The following LINGO2 variants were observed in gnomAD, a reference collection of about 807,000 sequenced individuals.
LINGO2 encodes the protein leucine rich repeat and Ig domain containing 2, also known as leucine-rich repeat and immunoglobulin-like domain-containing nogo receptor-interacting protein 2.
In LINGO2, 14 loss-of-function variants were observed where a neutral mutation model predicts 30.6. That is an observed-to-expected ratio of 0.46 (90% CI 0.30 to 0.72). The LOEUF is 0.72. LINGO2 is among the 30% of genes least tolerant of loss of function. The pLI, the probability that LINGO2 is intolerant of heterozygous loss-of-function variation, is 0.07. For synonymous variants in LINGO2, 317 were observed against 288.5 expected (o/e 1.10, Z -1.00); for missense variants, 729 against 751.7 (o/e 0.97, Z 0.35).
At chr9:28,794,252 C>T in the LINGO2 span, among the ~76,000 whole-genome samples, 5 of 152,094 alleles carry the variant, frequency 3.3e-5, no homozygotes, top group Non-Finnish European at 7.4e-5. Flanking sequence ...TGCAGTGAGC[C>T]GAGATCGCGC....
chr9:28,470,671 C>T (rs1026037639), intron 2 of LINGO2, among the ~76,000 whole-genome samples: 1 of 151,986 alleles, frequency 6.6e-6, no homozygotes, highest in African/African-American at 2.4e-5. Flanking sequence ...CTAATCATCG[C>T]CATTCAGCTG....
intron 4 of LINGO2, among the ~76,000 whole-genome samples, chr9:28,102,588 G>A (rs774622809): frequency 1.8e-4 from 26 of 147,534 alleles, no homozygotes; most frequent in Non-Finnish European, 3.7e-4. Context: ...AGCTGGGAAG[G>A]GAAAGGGGTT....
chr9:27,956,181 G>A (rs1265312519), intron 5 of LINGO2, among the ~76,000 whole-genome samples: 1 of 152,144 alleles, frequency 6.6e-6, no homozygotes, highest in Non-Finnish European at 1.5e-5. Flanking sequence ...GACCTCAGGT[G>A]ATCTGCCCGC....
the LINGO2 span, among the ~76,000 whole-genome samples, chr9:28,717,946 C>T: frequency 3.3e-5 from 5 of 151,876 alleles, no homozygotes; most frequent in Non-Finnish European, 7.4e-5. Flanking sequence ...TACTGAATAT[C>T]CAGATTTGAA....
chr9:28,596,801 C>A (rs913483266), intron 1 of LINGO2, among the ~76,000 whole-genome samples: 24 of 151,972 alleles, frequency 1.6e-4, no homozygotes, highest in Non-Finnish European at 2.8e-4. Flanking sequence ...TTCAAATGAC[C>A]CATTAATTAC....
intron 5 of LINGO2, among the ~76,000 whole-genome samples, chr9:28,003,528 G>A (rs574936505): frequency 1.4e-4 from 22 of 152,090 alleles, no homozygotes; most frequent in African/African-American, 5.1e-4. Context: ...GCACAATCTC[G>A]GCTCACTGCA....
the LINGO2 span, among the ~76,000 whole-genome samples, chr9:28,769,874 C>T: frequency 2.6e-5 from 4 of 151,636 alleles, no homozygotes; most frequent in Non-Finnish European, 4.4e-5. Context: ...ACAGGCTGTG[C>T]TCTTACTACT....
chr9:29,122,613 T>A, the LINGO2 span, among the ~76,000 whole-genome samples: 1 of 152,146 alleles, frequency 6.6e-6, no homozygotes, highest in Admixed American at 6.6e-5. Flanking sequence ...TATTTAGTGT[T>A]CTTGAAGATT....
At chr9:28,256,060 T>C (rs1822373683) in intron 4 of LINGO2, among the ~76,000 whole-genome samples, 1 of 152,018 alleles carries the variant, frequency 6.6e-6, no homozygotes. Context: ...GATCTTTGAT[T>C]AGATTCTCAA....
the LINGO2 span, among the ~76,000 whole-genome samples, chr9:28,883,628 G>GTGTGTGTATATATATATATATATATA: frequency 1.6e-5 from 1 of 64,180 alleles, no homozygotes; most frequent in Non-Finnish European, 3.0e-5. Flanking sequence ...ATGTGTGTGT[G>GTGTGTGTATATATATATATATATATA]TATATATATA....
At chr9:29,071,491 ATATATATATATATATATATATATATATG>A in the LINGO2 span, among the ~76,000 whole-genome samples, 2 of 23,220 alleles carry the variant, frequency 8.6e-5, no homozygotes, top group East Asian at 1.3e-3. Flanking sequence ...TCATATATAT[ATATATATATATATATATATATATATATG>A]TATATGTATA....
At chr9:29,193,370 A>C in the LINGO2 span, among the ~76,000 whole-genome samples, 1 of 152,052 alleles carries the variant, frequency 6.6e-6, no homozygotes, top group South Asian at 2.1e-4. Context: ...GTCTCCACTC[A>C]GTCCCATCAT....
Position 28,274,318 on chromosome 9 carries a change from C to T in LINGO2, c.-87+20890G>A, listed in dbSNP as rs143757233. Among the ~76,000 whole-genome samples, 430 of 152,074 alleles carry T rather than the reference C, an allele frequency of 2.8e-3. 2 individuals carry two copies. The highest frequency in any genetic ancestry group is 9.9e-3 in the African/African-American group (412 of 41,502). ...CTGATAGTAATTTTAAAAAAGTAAC[C>T]CAGGTCCACTTATGAGCACATATTT... On this transcript the variant is annotated intron_variant, in intron 4 of 5. Transcript: ENST00000379992.
chr9:28,566,455 A>C (rs533592318), intron 1 of LINGO2, among the ~76,000 whole-genome samples: 1 of 152,284 alleles, frequency 6.6e-6, no homozygotes, highest in African/African-American at 2.4e-5. Flanking sequence ...GGGATATTGA[A>C]GCAAAAGCTT....
At chr9:29,009,980 T>C in the LINGO2 span, among the ~76,000 whole-genome samples, 3 of 152,156 alleles carry the variant, frequency 2.0e-5, no homozygotes, top group Non-Finnish European at 4.4e-5. Flanking sequence ...TAGCCATGTG[T>C]AGAAAGCTGA....
intron 4 of LINGO2, among the ~76,000 whole-genome samples, chr9:28,086,411 A>C (rs1202510430): frequency 6.6e-6 from 1 of 152,106 alleles, no homozygotes; most frequent in Non-Finnish European, 1.5e-5. Flanking sequence ...ATAAGTAGCC[A>C]ATATAACTAA....
chr9:28,733,880 G>A, the LINGO2 span, among the ~76,000 whole-genome samples: 1 of 151,858 alleles, frequency 6.6e-6, no homozygotes, highest in South Asian at 2.1e-4. Flanking sequence ...ACGGAGTGGC[G>A]ATTTTGCCCT....
intron 1 of LINGO2, among the ~76,000 whole-genome samples, chr9:28,626,578 C>T (rs1826689358): frequency 6.6e-6 from 1 of 151,960 alleles, no homozygotes; most frequent in African/African-American, 2.4e-5. Context: ...CTAGTTTAAG[C>T]ATCATTTGTT....
intron 4 of LINGO2, among the ~76,000 whole-genome samples, chr9:28,083,312 G>A (rs1013601961): frequency 9.2e-5 from 14 of 152,092 alleles, no homozygotes; most frequent in African/African-American, 3.4e-4. Context: ...GTGCTTGGTC[G>A]CTACAAGGAG....
Sources: allele counts gnomAD v4.1 joint callset (sites outside exome capture counted in the v4.1 genomes callset), GRCh38; gene constraint gnomAD v4.1.1; transcripts MANE v1.5; gene names NCBI Gene and HGNC (gene_info 2026-07-23, HGNC 2026-07-21).